DCC: variants seen among roughly 807,000 people sequenced by gnomAD.
DCC encodes the protein DCC netrin 1 receptor, also known as netrin receptor DCC.
In DCC, 58 loss-of-function variants were observed where a neutral mutation model predicts 172.5. The ratio of observed to expected loss-of-function variants is 0.34; its 90% CI spans 0.27 to 0.42. The LOEUF is 0.42. Among genes scored for constraint, DCC ranks in the 10% least tolerant of loss-of-function variants. The probability of loss-of-function intolerance (pLI) is 1.00; values close to 1 mark genes in which losing one functional copy is unlikely to be tolerated. For missense variants in DCC, 1,740 were observed against 1,791.0 expected (o/e 0.97, Z 0.51); for synonymous variants, 709 against 644.5 (o/e 1.10, Z -1.52).
chr18:53,202,118 A>C (rs563838965), intron 9 of DCC, among the ~76,000 whole-genome samples: 1 of 152,220 alleles, frequency 6.6e-6, no homozygotes, highest in Admixed American at 6.5e-5. Context: ...GTAGCAACTT[A>C]TACACCTAGG....
At chr18:53,314,516 G>C (rs1004780264) in intron 13 of DCC, among the ~76,000 whole-genome samples, 1 of 152,128 alleles carries the variant, frequency 6.6e-6, no homozygotes, top group Non-Finnish European at 1.5e-5. Context: ...AGTTATCTCC[G>C]TTGCTGAATT....
chr18:53,311,241 C>T (rs772401113), intron 13 of DCC, among the ~76,000 whole-genome samples: 3 of 152,088 alleles, frequency 2.0e-5, no homozygotes, highest in Non-Finnish European at 4.4e-5. Flanking sequence ...CCTGCCTCAG[C>T]CTCACCAGTA....
chr18:52,700,323 C>T (rs919365785), intron 1 of DCC, among the ~76,000 whole-genome samples: 4 of 149,592 alleles, frequency 2.7e-5, no homozygotes, highest in African/African-American at 9.9e-5. Context: ...CATGCACACT[C>T]ACGGAATGCA....
chr18:52,388,058 C>G (rs1985885846), intron 1 of DCC, among the ~76,000 whole-genome samples: 1 of 152,000 alleles, frequency 6.6e-6, no homozygotes, highest in African/African-American at 2.4e-5. Context: ...TCCCTGGTAC[C>G]AGGCAGGGCT....
chr18:53,084,962 AC>A (rs2042857858), intron 7 of DCC, among the ~76,000 whole-genome samples: 4 of 152,188 alleles, frequency 2.6e-5, no homozygotes, highest in Admixed American at 2.6e-4. Flanking sequence ...TTGCCAAGGG[AC>A]TTTGTCTTGA....
chr18:53,063,348 T>C lies in DCC; in HGVS notation c.1029T>C (p.Tyr343=), dbSNP rs750246709. The C allele has an allele frequency of 1.4e-5, 22 of 1,613,540 alleles. No individual in the cohort carries two copies. Among genetic ancestry groups the C allele is most frequent in the Non-Finnish European group, 1.7e-5 (20 of 1,179,584 alleles). The change falls in exon 6 of 29, where the codon TAT becomes TAC. Residue 343 remains tyrosine, a synonymous_variant. Coordinates refer to ENST00000442544, the MANE Select transcript of DCC (RefSeq NM_005215.4). ...ATCATCCTTCCAACCTGTATGCCTA[T>C]GAAAGCATGGATATTGAGTTTGAAT... ...FLNHPSNLYA[Y]ESMDIEFECT... is the part of the protein sequence containing the mutation.
chr18:52,916,379 T>G (rs1019637862), intron 3 of DCC, among the ~76,000 whole-genome samples: 1 of 152,200 alleles, frequency 6.6e-6, no homozygotes, highest in Non-Finnish European at 1.5e-5. Flanking sequence ...TTCAAGTTTT[T>G]AAGTTAGAAA....
intron 5 of DCC, among the ~76,000 whole-genome samples, chr18:52,996,300 G>T (rs548811076): frequency 6.6e-6 from 1 of 151,810 alleles, no homozygotes; most frequent in Non-Finnish European, 1.5e-5. Context: ...TTAAAAGAAT[G>T]ATTCTAACAA....
At chr18:52,846,698 C>A (rs2038898965) in intron 2 of DCC, among the ~76,000 whole-genome samples, 2 of 150,814 alleles carry the variant, frequency 1.3e-5, no homozygotes, top group Non-Finnish European at 3.0e-5. Context: ...TGGGAGCTTT[C>A]AGAAATGGTG....
intron 26 of DCC, among the ~76,000 whole-genome samples, chr18:53,497,748 A>G (rs1188091876): frequency 6.6e-6 from 1 of 152,170 alleles, no homozygotes; most frequent in Admixed American, 6.5e-5. Context: ...AGCCAACATC[A>G]CCAAGGATTT....
At chr18:52,750,348 C>G (rs924514290) in intron 1 of DCC, among the ~76,000 whole-genome samples, 1 of 152,098 alleles carries the variant, frequency 6.6e-6, no homozygotes. Context: ...ACAGGATGTA[C>G]TATAATTGGG....
At chr18:52,588,855 G>A (rs1268703033) in intron 1 of DCC, among the ~76,000 whole-genome samples, 1 of 151,016 alleles carries the variant, frequency 6.6e-6, no homozygotes, top group Non-Finnish European at 1.5e-5. Context: ...CCAATGATAT[G>A]CCAACAGCAT....
rs1194037773 is a variant in DCC at position 52,490,528 on chromosome 18, G to A, written c.91+149650G>A. Among the ~76,000 whole-genome samples the A allele has an allele frequency of 1.3e-5, 2 of 152,042 alleles. 1 individual carries two copies. ...ATAAAATAGCTGGTTTTAACTAATT[G>A]GGAGCAGAGCTGGGACTAGAAACCA... On this transcript the variant is annotated intron_variant, in intron 1 of 28. Transcript: ENST00000442544.
intron 11 of DCC, among the ~76,000 whole-genome samples, chr18:53,209,783 A>G (rs1222010609): frequency 1.3e-5 from 2 of 152,226 alleles, no homozygotes; most frequent in East Asian, 1.9e-4. Context: ...AACAAATGAA[A>G]GTGAATGTTT....
intron 12 of DCC, among the ~76,000 whole-genome samples, chr18:53,288,886 C>A (rs1598986823): frequency 6.6e-6 from 1 of 152,220 alleles, no homozygotes; most frequent in East Asian, 1.9e-4. Flanking sequence ...ATTGACCTGA[C>A]TGGCTGTTGA....
At chr18:52,430,701 GT>G (rs1171513387) in intron 1 of DCC, among the ~76,000 whole-genome samples, 1 of 152,154 alleles carries the variant, frequency 6.6e-6, no homozygotes, top group African/African-American at 2.4e-5. Flanking sequence ...TAGTGTACTA[GT>G]TATATGGCAT....
intron 12 of DCC, among the ~76,000 whole-genome samples, chr18:53,289,874 T>A (rs573327832): frequency 6.2e-4 from 94 of 152,252 alleles, no homozygotes; most frequent in African/African-American, 2.1e-3. Flanking sequence ...AGGAGAAAAC[T>A]ACTTCAAAAA....
chr18:52,476,863 G>A (rs527378372), intron 1 of DCC, among the ~76,000 whole-genome samples: 2 of 152,278 alleles, frequency 1.3e-5, no homozygotes, highest in South Asian at 4.1e-4. Flanking sequence ...GAGTGCTTTG[G>A]TAAAACAATA....
chr18:53,251,550 T>G (rs1238356420), intron 12 of DCC, among the ~76,000 whole-genome samples: 1 of 151,950 alleles, frequency 6.6e-6, no homozygotes, highest in East Asian at 1.9e-4. Context: ...AAATGGAGTC[T>G]TCTTACATTT....
Sources: allele counts gnomAD v4.1 joint callset (sites outside exome capture counted in the v4.1 genomes callset), GRCh38; gene constraint gnomAD v4.1.1; transcripts MANE v1.5; gene names NCBI Gene and HGNC (gene_info 2026-07-23, HGNC 2026-07-21).